Variants in ARK2C observed in about 807,000 individuals in gnomAD.
The protein encoded by ARK2C is arkadia (RNF111) C-terminal like ring finger ubiquitin ligase 2C, also known as E3 ubiquitin-protein ligase ARK2C.
At chr18:46,355,113 C>A in the ARK2C span, among the ~76,000 whole-genome samples, 1 of 151,870 alleles carries the variant, frequency 6.6e-6, no homozygotes, top group Admixed American at 6.6e-5. Context: ...CCATGCCTGG[C>A]TAATTTTTGT....
chr18:46,388,861 G>A, the ARK2C span, among the ~76,000 whole-genome samples: 1 of 152,100 alleles, frequency 6.6e-6, no homozygotes, highest in South Asian at 2.1e-4. Flanking sequence ...CCACTTAGGG[G>A]CAGTTAAAAA....
chr18:46,363,625 A>G, the ARK2C span, among the ~76,000 whole-genome samples: 1 of 152,140 alleles, frequency 6.6e-6, no homozygotes, highest in Non-Finnish European at 1.5e-5. Flanking sequence ...AGGGGAGGGG[A>G]CATGGAGGAG....
At chr18:46,357,993 A>G in the ARK2C span, among the ~76,000 whole-genome samples, 831 of 152,230 alleles carry the variant, frequency 5.5e-3, 7 homozygotes, top group Non-Finnish European at 7.7e-3. Flanking sequence ...ACAGTGTCTC[A>G]GTGTCTCCAC....
At chr18:46,335,996 C>CATTG in the ARK2C span, 1 of 985,256 alleles carries the variant, frequency 1.0e-6, no homozygotes, top group African/African-American at 1.7e-5. Context: ...CTGAGGAAGG[C>CATTG]ATTGCTATTT....
chr18:46,455,867 T>TTAA, the ARK2C span: 1 of 654,762 alleles, frequency 1.5e-6, no homozygotes. Context: ...AAAAAGAAAC[T>TTAA]TTAAAAAACC....
the ARK2C span, among the ~76,000 whole-genome samples, chr18:46,424,632 A>G: frequency 2.9e-4 from 44 of 152,178 alleles, no homozygotes; most frequent in African/African-American, 1.0e-3. Context: ...CTCCCCGTGA[A>G]TAAGATGAGA....
At chr18:46,425,087 C>T in the ARK2C span, among the ~76,000 whole-genome samples, 1 of 152,218 alleles carries the variant, frequency 6.6e-6, no homozygotes, top group Non-Finnish European at 1.5e-5. Context: ...ACCATCAGGG[C>T]CCTGCCTCCA....
At chr18:46,342,012 A>T in the ARK2C span, among the ~76,000 whole-genome samples, 1 of 152,198 alleles carries the variant, frequency 6.6e-6, no homozygotes. Flanking sequence ...GTAGGGACTG[A>T]GGACAAGGAC....
At chr18:46,343,840 C>A in the ARK2C span, among the ~76,000 whole-genome samples, 1 of 152,220 alleles carries the variant, frequency 6.6e-6, no homozygotes, top group African/African-American at 2.4e-5. Context: ...CAGTAATTGC[C>A]CCTGCCTGGC....
At chr18:46,391,861 C>T in the ARK2C span, among the ~76,000 whole-genome samples, 1,275 of 151,844 alleles carry the variant, frequency 8.4e-3, 15 homozygotes, top group African/African-American at 0.029. Flanking sequence ...AATACACCCC[C>T]CATATGCAAC....
chr18:46,444,638 A>AT, the ARK2C span, among the ~76,000 whole-genome samples: 11,358 of 139,138 alleles, frequency 0.082, 484 homozygotes, highest in African/African-American at 0.11. Flanking sequence ...TAATTTAAAC[A>AT]TTTTTTTTTT....
At chr18:46,458,256 A>G in the ARK2C span, 1 of 152,756 alleles carries the variant, frequency 6.5e-6, no homozygotes, top group African/African-American at 2.4e-5. Context: ...AAGGGAGCAG[A>G]GAGATAAGAG....
chr18:46,337,505 G>T, the ARK2C span: 1 of 985,350 alleles, frequency 1.0e-6, no homozygotes, highest in African/African-American at 1.7e-5. Flanking sequence ...TCTGCTCATT[G>T]TACGCTGCTT....
the ARK2C span, among the ~76,000 whole-genome samples, chr18:46,371,679 G>T: frequency 6.6e-6 from 1 of 152,220 alleles, no homozygotes; most frequent in Non-Finnish European, 1.5e-5. Flanking sequence ...TGAAACAATG[G>T]TTTGAGAACC....
At chr18:46,384,970 T>C in the ARK2C span, among the ~76,000 whole-genome samples, 2 of 152,224 alleles carry the variant, frequency 1.3e-5, no homozygotes, top group African/African-American at 4.8e-5. Context: ...CTCCACTCAC[T>C]TCTTGATGGT....
At chr18:46,384,296 G>T in the ARK2C span, among the ~76,000 whole-genome samples, 1 of 152,204 alleles carries the variant, frequency 6.6e-6, no homozygotes, top group Non-Finnish European at 1.5e-5. Context: ...CTCACCTGGT[G>T]CTCCCCGTAG....
the ARK2C span, among the ~76,000 whole-genome samples, chr18:46,426,969 A>G: frequency 2.6e-5 from 4 of 152,226 alleles, no homozygotes; most frequent in African/African-American, 9.7e-5. Flanking sequence ...ATGGACCCAG[A>G]TATACTATCC....
the ARK2C span, among the ~76,000 whole-genome samples, chr18:46,445,194 G>A: frequency 7.2e-4 from 109 of 152,208 alleles, 1 homozygote; most frequent in East Asian, 6.0e-3. Flanking sequence ...GTTAGGCTTC[G>A]TTCTGGTAAG....
chr18:46,446,670 CAAAAAAAAAAAA>C, the ARK2C span, among the ~76,000 whole-genome samples: 4 of 34,386 alleles, frequency 1.2e-4, no homozygotes, highest in African/African-American at 2.4e-4. Flanking sequence ...GACTCCATCT[CAAAAAAAAAAAA>C]AAAAAAAAAA....
Sources: allele counts gnomAD v4.1 joint callset (sites outside exome capture counted in the v4.1 genomes callset), GRCh38; gene constraint gnomAD v4.1.1; transcripts MANE v1.5; gene names NCBI Gene and HGNC (gene_info 2026-07-23, HGNC 2026-07-21).